PLEKHM3: variants seen among roughly 807,000 people sequenced by gnomAD.
PLEKHM3 encodes pleckstrin homology domain containing M3.
A neutral mutation model predicts 81.8 loss-of-function variants in PLEKHM3; 45 were observed. The observed-to-expected ratio is 0.55, with a 90% CI of 0.43 to 0.71. The LOEUF (loss-of-function observed/expected upper bound fraction) is 0.71, where lower values mean the gene tolerates loss of function less well. PLEKHM3 is among the 30% of genes least tolerant of loss of function. PLEKHM3 has a pLI of 0.00. For synonymous variants in PLEKHM3, 352 were observed against 356.4 expected (o/e 0.99, Z 0.14); for missense variants, 788 against 924.3 (o/e 0.85, Z 1.91).
chr2:207,898,080 A>G (rs1688283266), intron 6 of PLEKHM3, among the ~76,000 whole-genome samples: 1 of 152,204 alleles, frequency 6.6e-6, no homozygotes, highest in African/African-American at 2.4e-5. Context: ...CCTTTTGAGG[A>G]GCACAATCTA....
intron 1 of PLEKHM3, among the ~76,000 whole-genome samples, chr2:208,004,971 G>A (rs781278661): frequency 2.6e-5 from 4 of 151,920 alleles, no homozygotes; most frequent in African/African-American, 7.3e-5. Context: ...GATTAAAGGC[G>A]CCCGCCACCA....
chr2:207,916,342 T>C (rs141212594), intron 5 of PLEKHM3, among the ~76,000 whole-genome samples: 1 of 152,348 alleles, frequency 6.6e-6, no homozygotes, highest in Non-Finnish European at 1.5e-5. Context: ...TGATAGATTA[T>C]ATCATAGCTG....
At chr2:208,011,337 C>A (rs922012365) in intron 1 of PLEKHM3, among the ~76,000 whole-genome samples, 3 of 151,998 alleles carry the variant, frequency 2.0e-5, no homozygotes, top group African/African-American at 7.3e-5. Context: ...TGGAACCAAC[C>A]CAAATGCTCA....
intron 7 of PLEKHM3, among the ~76,000 whole-genome samples, chr2:207,850,630 T>C (rs1223334213): frequency 6.6e-6 from 1 of 152,176 alleles, no homozygotes; most frequent in Non-Finnish European, 1.5e-5. Context: ...GAAAGCAGGA[T>C]TGTCTCCTTA....
chr2:207,932,481 A>G (rs1331978902), intron 4 of PLEKHM3, among the ~76,000 whole-genome samples: 3 of 152,038 alleles, frequency 2.0e-5, no homozygotes, highest in Non-Finnish European at 4.4e-5. Context: ...ATTCAACATT[A>G]AAATAAACAA....
intron 7 of PLEKHM3, among the ~76,000 whole-genome samples, chr2:207,854,342 T>G (rs2092427693): frequency 6.6e-6 from 1 of 152,172 alleles, no homozygotes; most frequent in Admixed American, 6.5e-5. Flanking sequence ...ACATGGAAAT[T>G]TCTTTCATCT....
intron 2 of PLEKHM3, 42 bp downstream of exon 2, chr2:208,000,988 G>GA (rs77301165): frequency 0.2 from 204,313 of 997,450 alleles, no homozygotes; most frequent in Non-Finnish European, 0.22. Flanking sequence ...GCCCCAAAAA[G>GA]AAAAAAAAAA....
intron 6 of PLEKHM3, among the ~76,000 whole-genome samples, chr2:207,890,345 G>T (rs1465637833): frequency 2.0e-5 from 3 of 152,058 alleles, no homozygotes; most frequent in Non-Finnish European, 4.4e-5. Flanking sequence ...CTAAAGAATA[G>T]AGCTGGGCAT....
intron 3 of PLEKHM3, among the ~76,000 whole-genome samples, chr2:207,965,854 T>A (rs1214634740): frequency 6.6e-6 from 1 of 152,246 alleles, no homozygotes; most frequent in African/African-American, 2.4e-5. Flanking sequence ...TTCTACTAGT[T>A]TAAGTTCTCT....
chr2:207,865,803 G>GATATATATATATATATATATAT (rs71036961), intron 6 of PLEKHM3, among the ~76,000 whole-genome samples: 1 of 29,410 alleles, frequency 3.4e-5, no homozygotes, highest in Non-Finnish European at 6.0e-5. Context: ...AAAAAAAAAA[G>GATATATATATATATATATATAT]ATATATATAT....
At chr2:207,920,713 G>C (rs1689154135) in intron 5 of PLEKHM3, among the ~76,000 whole-genome samples, 1 of 151,540 alleles carries the variant, frequency 6.6e-6, no homozygotes, top group Non-Finnish European at 1.5e-5. Flanking sequence ...AGAAATAGAG[G>C]GTAATGTTTT....
intron 1 of PLEKHM3, among the ~76,000 whole-genome samples, chr2:208,018,154 C>T (rs1812697): frequency 0.59 from 89,726 of 151,708 alleles, 29,325 homozygotes; most frequent in Non-Finnish European, 0.73. Context: ...GCGGGTGGAT[C>T]ACAAGGTCAA....
intron 5 of PLEKHM3, among the ~76,000 whole-genome samples, chr2:207,916,747 C>CAAAAAAAGAA (rs1439582322): frequency 6.7e-6 from 1 of 148,510 alleles, no homozygotes; most frequent in Non-Finnish European, 1.5e-5. Flanking sequence ...GACTTCATCT[C>CAAAAAAAGAA]AAAAAAAGAA....
intron 3 of PLEKHM3, among the ~76,000 whole-genome samples, chr2:207,963,984 G>A (rs957296359): frequency 2.6e-5 from 4 of 152,200 alleles, no homozygotes; most frequent in Non-Finnish European, 4.4e-5. Context: ...GGCTGAGGCC[G>A]GCAGATCACC....
rs1429090654 is a variant in PLEKHM3, at chr2:207,865,837, T to C, written c.1951-4575A>G. On this transcript the variant is annotated intron_variant, in intron 6 of 7. Transcript: ENST00000427836. Reference sequence around the variant, plus strand: ...ATATATATATATATATATATATATATACTTTCTGTCTTTATAGATTTGCCT... The same window carrying C: ...ATATATATATATATATATATATATACACTTTCTGTCTTTATAGATTTGCCT... Among the ~76,000 whole-genome samples, 61 of 115,766 alleles carry C rather than the reference T, an allele frequency of 5.3e-4. 3 individuals carry two copies. The highest frequency in any genetic ancestry group is 1.7e-3 in the African/African-American group (53 of 30,892). The allele number at this position is 115,766 out of a possible 152,430, so 75.9% of individuals were successfully genotyped here.
At chr2:208,007,580 G>T (rs2106105448) in intron 1 of PLEKHM3, among the ~76,000 whole-genome samples, 1 of 152,292 alleles carries the variant, frequency 6.6e-6, no homozygotes, top group East Asian at 1.9e-4. Flanking sequence ...AAGTTTAAAT[G>T]AAAGAGAAGA....
chr2:207,958,188 A>G (rs1362751912), intron 3 of PLEKHM3, among the ~76,000 whole-genome samples: 1 of 152,212 alleles, frequency 6.6e-6, no homozygotes, highest in Non-Finnish European at 1.5e-5. Context: ...CTACTTTCTT[A>G]CCTTAAAAAA....
chr2:207,938,870 G>A (rs1689846603), intron 4 of PLEKHM3, among the ~76,000 whole-genome samples: 1 of 152,208 alleles, frequency 6.6e-6, no homozygotes, highest in South Asian at 2.1e-4. Context: ...GAGATTTTAA[G>A]TGTCAATGAT....
At position 207,948,544 on chromosome 2, in the gene PLEKHM3, TTG is replaced by T. The variant is rs1398369737; in HGVS notation, c.1547-2034_1547-2033del. ...CTAATTGTTGTATTTTCTATTTTTT[TTG>T]TTTTTTTTTTTTTTTGAGATGGAGT... is the stretch of plus-strand genomic sequence containing the variant. On this transcript the variant is annotated intron_variant, in intron 3 of 7. Coordinates refer to ENST00000427836, the MANE Select transcript of PLEKHM3 (RefSeq NM_001080475.3). Among the ~76,000 whole-genome samples, 299 of 74,220 alleles carry T rather than the reference TTG, an allele frequency of 4.0e-3. 4 individuals are homozygous for T. The highest frequency in any genetic ancestry group is 0.014 in the African/African-American group (260 of 18,356). 48.7% of individuals were successfully genotyped at this position (74,220 alleles called of 152,430 possible).
Sources: gnomAD v4.1 joint callset for allele counts (sites outside exome capture counted in the v4.1 genomes callset) on GRCh38, gnomAD v4.1.1 for gene constraint, MANE v1.5 for transcripts, NCBI Gene and HGNC (gene_info 2026-07-23, HGNC 2026-07-21) for gene names.